PTPRD: variants seen among roughly 807,000 people sequenced by gnomAD.
PTPRD encodes protein tyrosine phosphatase receptor type D, also known as receptor-type tyrosine-protein phosphatase delta.
A neutral mutation model predicts 214.5 loss-of-function variants in PTPRD; 34 were observed. That is an observed-to-expected ratio of 0.16 (90% CI 0.12 to 0.21). The LOEUF (loss-of-function observed/expected upper bound fraction) is 0.21, where lower values mean the gene tolerates loss of function less well. Ranked by LOEUF, PTPRD falls within the 10% of genes least tolerant of loss-of-function variation. PTPRD has a pLI of 1.00. For synonymous variants in PTPRD, 1,128 were observed against 845.7 expected, an observed-to-expected ratio of 1.33 and a Z score of -5.79; for missense variants, 2,545 against 2,398.7, an observed-to-expected ratio of 1.06 and a Z score of -1.27.
chr9:10,400,555 T>A (rs1344051827), intron 2 of PTPRD, among the ~76,000 whole-genome samples: 1 of 151,578 alleles, frequency 6.6e-6, no homozygotes, highest in East Asian at 1.9e-4. Flanking sequence ...TCTGTAAAAA[T>A]CAGCTTTAGA....
At chr9:9,830,757 G>C (rs368099321) in intron 5 of PTPRD, among the ~76,000 whole-genome samples, 1 of 151,946 alleles carries the variant, frequency 6.6e-6, no homozygotes, top group African/African-American at 2.4e-5. Context: ...GGTATCAACA[G>C]AGTAGTCTTA....
chr9:8,968,404 T>G (rs2099213498), intron 11 of PTPRD, among the ~76,000 whole-genome samples: 1 of 151,740 alleles, frequency 6.6e-6, no homozygotes, highest in South Asian at 2.1e-4. Flanking sequence ...CTCCACATCC[T>G]CTCCAGCACC....
chr9:10,304,809 A>G (rs1388814224), intron 3 of PTPRD, among the ~76,000 whole-genome samples: 1 of 152,198 alleles, frequency 6.6e-6, no homozygotes, highest in Non-Finnish European at 1.5e-5. Context: ...GGAAGAATCA[A>G]TTCATGAAAA....
At chr9:10,078,160 A>G (rs910569093) in intron 3 of PTPRD, among the ~76,000 whole-genome samples, 9 of 151,994 alleles carry the variant, frequency 5.9e-5, no homozygotes, top group Non-Finnish European at 1.5e-5. Context: ...ACATTTCTAA[A>G]TATAATCAAA....
At chr9:9,563,314 T>C (rs1197260954) in intron 8 of PTPRD, among the ~76,000 whole-genome samples, 2 of 152,132 alleles carry the variant, frequency 1.3e-5, no homozygotes, top group Non-Finnish European at 2.9e-5. Context: ...ACCTTATGGA[T>C]AGACTATTAT....
chr9:9,495,872 C>T (rs1317446464), intron 8 of PTPRD, among the ~76,000 whole-genome samples: 1 of 152,190 alleles, frequency 6.6e-6, no homozygotes, highest in Non-Finnish European at 1.5e-5. Flanking sequence ...TGCTAAGATG[C>T]CTCCATCTGC....
intron 4 of PTPRD, among the ~76,000 whole-genome samples, chr9:10,028,685 T>C (rs754044894): frequency 2.0e-5 from 3 of 152,152 alleles, no homozygotes; most frequent in Non-Finnish European, 4.4e-5. Context: ...TTGAGGGGGA[T>C]GATTTAGGCT....
chr9:8,987,922 G>A (rs1740764791), intron 11 of PTPRD, among the ~76,000 whole-genome samples: 1 of 152,050 alleles, frequency 6.6e-6, no homozygotes, highest in Admixed American at 6.6e-5. Context: ...AAGGCTGAAT[G>A]ACCCTTGTAA....
chr9:9,619,700 GA>G (rs1293705928), intron 7 of PTPRD, among the ~76,000 whole-genome samples: 1 of 143,746 alleles, frequency 7.0e-6, no homozygotes, highest in East Asian at 2.0e-4. Context: ...TTTCTATATA[GA>G]AATATATGTA....
chr9:9,307,377 T>A (rs1344956762), intron 9 of PTPRD, among the ~76,000 whole-genome samples: 5 of 152,160 alleles, frequency 3.3e-5, no homozygotes, highest in African/African-American at 1.2e-4. Flanking sequence ...GTTTTAAAAT[T>A]CCACAGCCTC....
At chr9:8,759,785 T>C (rs927135087) in intron 11 of PTPRD, among the ~76,000 whole-genome samples, 4 of 152,186 alleles carry the variant, frequency 2.6e-5, no homozygotes, top group Non-Finnish European at 5.9e-5. Flanking sequence ...CCTGGTCCTA[T>C]AATAAATCCT....
intron 2 of PTPRD, among the ~76,000 whole-genome samples, chr9:10,508,162 A>G (rs898916604): frequency 2.0e-5 from 3 of 152,252 alleles, no homozygotes; most frequent in African/African-American, 4.8e-5. Context: ...TCTCAAAAGA[A>G]GACGTTTATG....
At chr9:8,930,846 A>T (rs1229967961) in intron 11 of PTPRD, among the ~76,000 whole-genome samples, 1 of 152,062 alleles carries the variant, frequency 6.6e-6, no homozygotes, top group Non-Finnish European at 1.5e-5. Context: ...AGTTCTTTGT[A>T]GATTCTGGAT....
chr9:8,616,506 A>G (rs1007626178), intron 14 of PTPRD, among the ~76,000 whole-genome samples: 3 of 152,122 alleles, frequency 2.0e-5, no homozygotes, highest in Non-Finnish European at 4.4e-5. Context: ...CTTACTTCAG[A>G]CTCTAGGCAG....
At chr9:9,775,018 A>T (rs1030439080) in intron 5 of PTPRD, among the ~76,000 whole-genome samples, 1 of 152,176 alleles carries the variant, frequency 6.6e-6, no homozygotes, top group Non-Finnish European at 1.5e-5. Context: ...TTAGTACCTG[A>T]AAAGGAGACA....
At chr9:8,660,929 T>C (rs775912863) in intron 12 of PTPRD, among the ~76,000 whole-genome samples, 4 of 152,156 alleles carry the variant, frequency 2.6e-5, no homozygotes, top group Non-Finnish European at 5.9e-5. Context: ...ATCTCAGACC[T>C]CAGAAAATCA....
intron 11 of PTPRD, among the ~76,000 whole-genome samples, chr9:8,789,407 G>C (rs1291261329): frequency 6.6e-6 from 1 of 152,142 alleles, no homozygotes; most frequent in Admixed American, 6.5e-5. Context: ...ACTGTTAGTA[G>C]CCGTAATTCC....
At chr9:9,494,372 C>T (rs1216427632) in intron 8 of PTPRD, among the ~76,000 whole-genome samples, 4 of 152,126 alleles carry the variant, frequency 2.6e-5, no homozygotes, top group Admixed American at 2.6e-4. Context: ...TAGAACAAAA[C>T]TTTTGTGAAA....
At chr9:9,094,589 A>G (rs902162044) in intron 10 of PTPRD, among the ~76,000 whole-genome samples, 1 of 152,170 alleles carries the variant, frequency 6.6e-6, no homozygotes, top group African/African-American at 2.4e-5. Context: ...TGCTCAGGTG[A>G]CAAGTGCACC....
Sources: allele counts gnomAD v4.1 joint callset (sites outside exome capture counted in the v4.1 genomes callset), GRCh38; gene constraint gnomAD v4.1.1; transcripts MANE v1.5; gene names NCBI Gene and HGNC (gene_info 2026-07-23, HGNC 2026-07-21).